Variants in ZNF592 observed in about 807,000 individuals in gnomAD.
ZNF592 encodes spinocerebellar ataxia, autosomal recessive 5.
In ZNF592, 11 loss-of-function variants were observed where a neutral mutation model predicts 80.3. The ratio of observed to expected loss-of-function variants is 0.14; its 90% CI spans 0.09 to 0.23. The LOEUF is 0.23. Ranked by LOEUF, ZNF592 falls within the 10% of genes least tolerant of loss-of-function variation. ZNF592 has a pLI of 1.00. For synonymous variants in ZNF592, 646 were observed against 640.3 expected (o/e 1.01, Z -0.13); for missense variants, 1,420 against 1,633.9 (o/e 0.87, Z 2.26).
Position 84,782,855 on chromosome 15 carries a change from C to G in ZNF592, c.180C>G (p.Ala60=), listed in dbSNP as rs1176713719. The change falls in exon 4 of 11, where the codon GCC becomes GCG. Residue 60 remains alanine (A), a synonymous_variant. Coordinates refer to ENST00000560079, the MANE Select transcript of ZNF592 (RefSeq NM_014630.3). ...ESVSLSHSGS[A]PDVPAVSVIV... ...TGTCCTTGTCTCACTCAGGATCAGCCCCCGATGTGCCGGCCGTGAGTGTCA... is the reference window on the plus strand; with the variant it reads ...TGTCCTTGTCTCACTCAGGATCAGCGCCCGATGTGCCGGCCGTGAGTGTCA... The G allele has an allele frequency of 1.2e-6, 2 of 1,614,156 alleles. No homozygotes were observed. The highest frequency in any genetic ancestry group is 4.5e-5 in the East Asian group (2 of 44,888).
chr15:84,780,735 C>T (rs934693281), intron 3 of ZNF592, among the ~76,000 whole-genome samples: 2 of 151,608 alleles, frequency 1.3e-5, no homozygotes, highest in Non-Finnish European at 2.9e-5. Context: ...TATACCTCTG[C>T]TATGCCACCT....
intron 10 of ZNF592, among the ~76,000 whole-genome samples, chr15:84,800,390 G>T (rs1187276142): frequency 6.6e-6 from 1 of 152,182 alleles, no homozygotes; most frequent in African/African-American, 2.4e-5. Context: ...TATAGGAAGA[G>T]CCAGGCCTAG....
intron 3 of ZNF592, among the ~76,000 whole-genome samples, chr15:84,780,194 C>G (rs1962381918): frequency 6.6e-6 from 1 of 152,054 alleles, no homozygotes; most frequent in Non-Finnish European, 1.5e-5. Context: ...ACTATGTTGG[C>G]CAGGCTGGTC....
At chr15:84,791,841 A>G (rs2141994394) in intron 5 of ZNF592, among the ~76,000 whole-genome samples, 1 of 152,372 alleles carries the variant, frequency 6.6e-6, no homozygotes, top group Non-Finnish European at 1.5e-5. Context: ...AAGAGGTGTC[A>G]GGAATGATGA....
Position 84,783,169 on chromosome 15 carries a change from C to G in ZNF592, c.494C>G (p.Ser165Cys). The change falls in exon 4 of 11, where the codon TCT (serine) becomes TGT (cysteine). Residue 165 changes from serine to cysteine, a missense_variant. Around this residue, in one of 7 missense-constraint regions of ZNF592, gnomAD observed 373 missense variants for 355.5 expected, o/e 1.05. Transcript: ENST00000560079. The surrounding 1 kb of genome is among the most constrained non-coding windows in gnomAD (Gnocchi z 5.0). ...DNGFGIKPKH[S>C]DSYFPPPLGC... ...GGATTTGGGATAAAGCCCAAACACTCTGACAGTTATTTCCCACCCCCTCTT... is the reference window on the plus strand; with the variant it reads ...GGATTTGGGATAAAGCCCAAACACTGTGACAGTTATTTCCCACCCCCTCTT... 1.2e-6 allele frequency: 2 copies of G among 1,614,196 alleles called. No individual in the cohort carries two copies. Among genetic ancestry groups the G allele is most frequent in the South Asian group, 1.1e-5 (1 of 91,080 alleles).
chr15:84,796,144 C>T (rs1448986189), intron 5 of ZNF592, among the ~76,000 whole-genome samples: 1 of 146,932 alleles, frequency 6.8e-6, no homozygotes, highest in Non-Finnish European at 1.5e-5. Context: ...ATCGCTTGAA[C>T]CCAGGAGGTG....
chr15:84,764,975 A>G (rs563748065), intron 2 of ZNF592, among the ~76,000 whole-genome samples, 160 bp downstream of exon 2: 2 of 152,118 alleles, frequency 1.3e-5, no homozygotes, highest in South Asian at 2.1e-4. Context: ...GCTCAGTGGC[A>G]TTAAATACAT....
intron 2 of ZNF592, among the ~76,000 whole-genome samples, chr15:84,767,343 TC>T (rs1899559895): frequency 6.6e-6 from 1 of 152,042 alleles, no homozygotes; most frequent in African/African-American, 2.4e-5. Context: ...TTTTCTAGGG[TC>T]CTTTGCGTCG....
At chr15:84,760,586 A>T (rs1899320378) in intron 1 of ZNF592, among the ~76,000 whole-genome samples, 1 of 152,126 alleles carries the variant, frequency 6.6e-6, no homozygotes, top group African/African-American at 2.4e-5. Context: ...GCACACAGTA[A>T]TGGTGCTCAA....
chr15:84,781,905 A>AT (rs1448590342), intron 3 of ZNF592, among the ~76,000 whole-genome samples: 1 of 152,220 alleles, frequency 6.6e-6, no homozygotes, highest in Non-Finnish European at 1.5e-5. Flanking sequence ...TAGAATTATT[A>AT]TCCTATTCTT....
chr15:84,802,743 G>A lies in ZNF592; in HGVS notation c.*350G>A, dbSNP rs1963138328. On this transcript the variant is annotated 3_prime_UTR_variant, in exon 11 of 11. Coordinates refer to ENST00000560079, the MANE Select transcript of ZNF592 (RefSeq NM_014630.3). ...CACAGCGGCTGTGCTCTTCTGGGAGGTTCCCGCTTGCTGCCTTCAGCCAGG... is the reference window on the plus strand; with the variant it reads ...CACAGCGGCTGTGCTCTTCTGGGAGATTCCCGCTTGCTGCCTTCAGCCAGG... 1 of 318,294 alleles carries A rather than the reference G, an allele frequency of 3.1e-6. No individual in the cohort carries two copies. The highest frequency in any genetic ancestry group is 6.0e-6 in the Non-Finnish European group (1 of 165,684). 19.7% of individuals were successfully genotyped at this position (318,294 alleles called of 1,614,324 possible). A position where few individuals can be genotyped will look rare whatever the true frequency, so the allele number is the denominator to read the frequency against.
At position 84,784,354 on chromosome 15, in the gene ZNF592, A is replaced by C; in HGVS notation, c.1679A>C (p.His560Pro). 6.2e-7 allele frequency: 1 copy of C among 1,614,186 alleles called. No individual in the cohort carries two copies. Among genetic ancestry groups the C allele is most frequent in the Non-Finnish European group, 8.5e-7 (1 of 1,180,038 alleles). ...LIVEVFNKVLHSSNPVPLYAP... is the reference protein window; with the variant it reads ...LIVEVFNKVLPSSNPVPLYAP... The stretch of plus-strand genomic sequence containing the variant: ...GTAGAGGTCTTCAACAAGGTCCTTC[A>C]CAGCTCCAACCCCGTGCCCCTCTAT... The change falls in exon 4 of 11, where the codon CAC becomes CCC. Residue 560 changes from histidine (H) to proline (P), a missense_variant. Around this residue, in one of 7 missense-constraint regions of ZNF592, gnomAD observed 524 missense variants for 628.3 expected, o/e 0.83. Coordinates refer to ENST00000560079, the MANE Select transcript of ZNF592 (RefSeq NM_014630.3). This position sits in a 1 kb window ranked among gnomAD's most constrained non-coding sequence, Gnocchi z 5.8.
Position 84,802,565 on chromosome 15 carries a change from T to C in ZNF592, c.*172T>C. The C allele has an allele frequency of 1.3e-6, 1 of 772,784 alleles. No homozygotes were observed. The highest frequency in any genetic ancestry group is 1.7e-5 in the South Asian group (1 of 58,130). 47.9% of individuals were successfully genotyped at this position (772,784 alleles called of 1,614,324 possible). On this transcript the variant is annotated 3_prime_UTR_variant, in exon 11 of 11. Coordinates refer to ENST00000560079, the MANE Select transcript of ZNF592 (RefSeq NM_014630.3). Reference sequence around the variant, plus strand: ...CTGGGTATCCCCCAGCCCCAGGAAATGTGGGGTCGGCCAGGACCCTCACAG... The same window carrying C: ...CTGGGTATCCCCCAGCCCCAGGAAACGTGGGGTCGGCCAGGACCCTCACAG...
rs779936805 is a variant in ZNF592, at chr15:84,778,232, C to A, written c.-100C>A. The A allele has an allele frequency of 4.8e-6, 1 of 208,904 alleles. No individual in the cohort carries two copies. Among genetic ancestry groups the A allele is most frequent in the Non-Finnish European group, 9.6e-6 (1 of 104,386 alleles). 12.9% of individuals were successfully genotyped at this position (208,904 alleles called of 1,614,324 possible). A position where few individuals can be genotyped will look rare whatever the true frequency, so the allele number is the denominator to read the frequency against. On this transcript the variant is annotated 5_prime_UTR_variant, in exon 3 of 11. Coordinates refer to ENST00000560079, the MANE Select transcript of ZNF592 (RefSeq NM_014630.3). ...AGGAAGGGAGAAGACAGAAGGAAGA[C>A]GCTCCCCCGTACGGAGACAGAGGGA... is the stretch of plus-strand genomic sequence containing the variant.
intron 1 of ZNF592, among the ~76,000 whole-genome samples, chr15:84,752,396 T>C (rs1239158316): frequency 6.6e-6 from 1 of 152,202 alleles, no homozygotes; most frequent in Non-Finnish European, 1.5e-5. Context: ...AAAGAGCTAT[T>C]TGAAACAGTA....
chr15:84,773,553 A>G (rs1292130546), intron 2 of ZNF592, among the ~76,000 whole-genome samples: 1 of 152,144 alleles, frequency 6.6e-6, no homozygotes, highest in Admixed American at 6.5e-5. Context: ...GCCAGTTCAG[A>G]GAGGGGCCCT....
rs1962470751 is a variant in ZNF592 at position 84,783,175 on chromosome 15, G to A, written c.500G>A (p.Ser167Asn). The change falls in exon 4 of 11, where the codon AGT becomes AAT. Residue 167 changes from serine (S) to asparagine (N), a missense_variant. Coordinates refer to ENST00000560079, the MANE Select transcript of ZNF592 (RefSeq NM_014630.3). The surrounding 1 kb of genome is among the most constrained non-coding windows in gnomAD (Gnocchi z 5.0). ...GGGATAAAGCCCAAACACTCTGACA[G>A]TTATTTCCCACCCCCTCTTGGGTGC... ...GFGIKPKHSDSYFPPPLGCGA... is the reference protein window; with the variant it reads ...GFGIKPKHSDNYFPPPLGCGA... 1.2e-6 allele frequency: 2 copies of A among 1,614,168 alleles called. No individual in the cohort carries two copies. The highest frequency in any genetic ancestry group is 1.7e-6 in the Non-Finnish European group (2 of 1,180,032).
intron 2 of ZNF592, among the ~76,000 whole-genome samples, chr15:84,771,543 C>T (rs1002900542): frequency 7.9e-5 from 12 of 152,092 alleles, no homozygotes; most frequent in Non-Finnish European, 1.0e-4. Context: ...ATGCATCCTC[C>T]ATGAGAGGCT....
intron 1 of ZNF592, among the ~76,000 whole-genome samples, chr15:84,749,754 A>G (rs796665061): frequency 6.6e-6 from 1 of 152,152 alleles, no homozygotes; most frequent in Non-Finnish European, 1.5e-5. Context: ...GGCCTGGTGG[A>G]TGCTTGGTGG....
Sources: allele counts gnomAD v4.1 joint callset (sites outside exome capture counted in the v4.1 genomes callset), GRCh38; gene constraint gnomAD v4.1.1; regional missense constraint gnomAD v4.1.1; non-coding constraint Gnocchi (gnomAD v3.1); transcripts MANE v1.5; gene names NCBI Gene and HGNC (gene_info 2026-07-23, HGNC 2026-07-21).